Variants in NXN observed in about 807,000 individuals in gnomAD.
NXN encodes nucleoredoxin 1.
Under a neutral mutation model 48.6 loss-of-function variants are expected in NXN, and 16 were observed. The ratio of observed to expected loss-of-function variants is 0.33; its 90% CI spans 0.22 to 0.50. The LOEUF (loss-of-function observed/expected upper bound fraction) is 0.50, where lower values mean the gene tolerates loss of function less well. NXN is among the 20% of genes least tolerant of loss of function. The probability of loss-of-function intolerance (pLI) is 0.98; values close to 1 mark genes in which losing one functional copy is unlikely to be tolerated. For missense variants in NXN, 492 were observed against 605.5 expected, an observed-to-expected ratio of 0.81 and a Z score of 1.97; for synonymous variants, 281 against 269.6, an observed-to-expected ratio of 1.04 and a Z score of -0.41.
At chr17:818,598 A>T (rs559913875) in intron 5 of NXN, among the ~76,000 whole-genome samples, 39 of 152,138 alleles carry the variant, frequency 2.6e-4, no homozygotes, top group African/African-American at 9.2e-4. Context: ...ATTAGAATCC[A>T]CCATGGGCCG....
At chr17:886,987 G>A (rs1029837624) in intron 1 of NXN, among the ~76,000 whole-genome samples, 28 of 151,652 alleles carry the variant, frequency 1.8e-4, no homozygotes, top group African/African-American at 6.1e-4. Flanking sequence ...TCATGGCTAC[G>A]GCCTTAACCT....
At position 824,960 on chromosome 17, in the gene NXN, C is replaced by T. The variant is rs371470626; in HGVS notation, c.478+1001G>A. 3.3e-5 allele frequency among the ~76,000 whole-genome samples: 5 copies of T among 152,120 alleles called. 1 individual carries two copies. In the South Asian group the frequency reaches 6.2e-4, roughly 19 times the overall value. ...GGATCCACACGGGGACCAGGCTCTG[C>T]GGCTCAGCCCCACGATCCCAGCACT... On this transcript the variant is annotated intron_variant, in intron 2 of 7. Coordinates refer to ENST00000336868, the MANE Select transcript of NXN (RefSeq NM_022463.5).
intron 1 of NXN, among the ~76,000 whole-genome samples, chr17:914,505 A>G (rs1007167695): frequency 3.9e-5 from 6 of 152,194 alleles, no homozygotes; most frequent in African/African-American, 1.4e-4. Context: ...GAAGTATGCA[A>G]TGAGACAGTA....
intron 1 of NXN, among the ~76,000 whole-genome samples, chr17:876,529 G>A (rs996847281): frequency 3.3e-5 from 5 of 152,172 alleles, no homozygotes; most frequent in Non-Finnish European, 7.3e-5. Flanking sequence ...CCCCATCAAT[G>A]AAGAAAGCAC....
intron 1 of NXN, among the ~76,000 whole-genome samples, chr17:875,924 C>T (rs2068209115): frequency 6.6e-6 from 1 of 152,118 alleles, no homozygotes; most frequent in Non-Finnish European, 1.5e-5. Flanking sequence ...TGGCTCATGC[C>T]TGTGATCCCA....
In NXN at chr17:923,906, C is replaced by G. The variant is rs1236063826; in HGVS notation, c.360+55413G>C. On this transcript the variant is annotated intron_variant, in intron 1 of 7. Coordinates refer to ENST00000336868, the MANE Select transcript of NXN (RefSeq NM_022463.5). ...TATTCGTGAGATAGTTAAGTGGAAA[C>G]GACAAAACGACAGGTATATAGTTAA... 2.6e-5 allele frequency among the ~76,000 whole-genome samples: 4 copies of G among 151,984 alleles called. 1 individual carries two copies. In the South Asian group the frequency reaches 8.3e-4, roughly 32 times the overall value.
intron 3 of NXN, 80 bp from the exon 4 acceptor site, chr17:822,537 G>C: frequency 9.6e-7 from 1 of 1,042,964 alleles, no homozygotes; most frequent in Non-Finnish European, 1.5e-6. Flanking sequence ...GGCCGGGTTA[G>C]CAGGACTCAA....
At chr17:844,058 A>G (rs1247826201) in intron 1 of NXN, among the ~76,000 whole-genome samples, 1 of 151,852 alleles carries the variant, frequency 6.6e-6, no homozygotes, top group Non-Finnish European at 1.5e-5. Flanking sequence ...GCCCCTCCTT[A>G]GCTGGAAGGT....
At chr17:923,638 G>T (rs1400460969) in intron 1 of NXN, among the ~76,000 whole-genome samples, 1 of 152,252 alleles carries the variant, frequency 6.6e-6, no homozygotes, top group Non-Finnish European at 1.5e-5. Flanking sequence ...CCTGCAACGT[G>T]CAGGACACTG....
Position 810,140 on chromosome 17 carries a change from C to T in NXN, c.821-4893G>A, listed in dbSNP as rs1474778596. 3.7e-5 allele frequency among the ~76,000 whole-genome samples: 4 copies of T among 107,230 alleles called. 1 individual carries two copies. The highest frequency in any genetic ancestry group is 3.2e-4 in the East Asian group (1 of 3,156). The allele number at this position is 107,230 out of a possible 152,430, so 70.3% of individuals were successfully genotyped here. On this transcript the variant is annotated intron_variant, in intron 5 of 7. Transcript: ENST00000336868. ...GTCCGTGTGAGTGGCGTGCACGTTA[C>T]GAGTCTGTGACTGGCGTGCACGTTA...
rs1396638876 is a variant in NXN at position 895,641 on chromosome 17, T to C, written c.361-69563A>G. ...TCCTGGCTAACACGGTGAAACCCCG[T>C]CTCTACTTAAAATACAAAAAAAAAA... On this transcript the variant is annotated intron_variant, in intron 1 of 7. Transcript: ENST00000336868. Among the ~76,000 whole-genome samples the C allele has an allele frequency of 1.0e-4, 10 of 96,528 alleles. No individual in the cohort carries two copies. The East Asian group carries it at 1.4e-3, about 14-fold the overall frequency. 63.3% of individuals were successfully genotyped at this position (96,528 alleles called of 152,430 possible).
chr17:942,245 C>T (rs1303094462), intron 1 of NXN, among the ~76,000 whole-genome samples: 3 of 128,896 alleles, frequency 2.3e-5, no homozygotes, highest in Admixed American at 7.9e-5. Context: ...CAGCCATGAA[C>T]TCACATCACA....
At chr17:871,051 C>CG (rs1567842070) in intron 1 of NXN, among the ~76,000 whole-genome samples, 1 of 151,964 alleles carries the variant, frequency 6.6e-6, no homozygotes, top group Non-Finnish European at 1.5e-5. Context: ...TTAGTAGAGA[C>CG]GGGGTTTCAC....
chr17:967,308 C>T (rs976144615), intron 1 of NXN, among the ~76,000 whole-genome samples: 3 of 152,166 alleles, frequency 2.0e-5, no homozygotes, highest in Non-Finnish European at 2.9e-5. Context: ...TCAGAACTGC[C>T]GATGGTCCTC....
intron 1 of NXN, among the ~76,000 whole-genome samples, chr17:836,381 G>C (rs1010970702): frequency 6.6e-6 from 1 of 152,162 alleles, no homozygotes; most frequent in East Asian, 1.9e-4. Context: ...AAGCCTTCTC[G>C]GGCAAACGTC....
intron 5 of NXN, among the ~76,000 whole-genome samples, chr17:813,857 TC>T (rs1190750358): frequency 4.0e-5 from 6 of 151,826 alleles, no homozygotes; most frequent in Admixed American, 1.3e-4. Context: ...TCCCAGCTAC[TC>T]AGGAGGCTGA....
In NXN at chr17:961,399, A is replaced by AT. The variant is rs71145802; in HGVS notation, c.360+17919_360+17920insA. Among the ~76,000 whole-genome samples the AT allele has an allele frequency of 2.9e-3, 447 of 151,964 alleles. 2 individuals carry two copies. The East Asian group carries it at 0.029, about 10-fold the overall frequency. On this transcript the variant is annotated intron_variant, in intron 1 of 7. Coordinates refer to ENST00000336868, the MANE Select transcript of NXN (RefSeq NM_022463.5). ...GACTCCGTCTCAAGAAAAAAAAAAAAGAAAAAGAAATAGCTGTTCAACAAG... is the reference window on the plus strand; with the variant it reads ...GACTCCGTCTCAAGAAAAAAAAAAAATGAAAAAGAAATAGCTGTTCAACAAG...
chr17:912,481 C>T lies in NXN; in HGVS notation c.360+66838G>A, dbSNP rs1291223763. Among the ~76,000 whole-genome samples, 4 of 152,222 alleles carry T rather than the reference C, an allele frequency of 2.6e-5. No individual in the cohort carries two copies. The East Asian group carries it at 7.7e-4, about 29-fold the overall frequency. On this transcript the variant is annotated intron_variant, in intron 1 of 7. Transcript: ENST00000336868. The stretch of plus-strand genomic sequence containing the variant: ...GGGAGAGACCCCGTCTACATCCTTG[C>T]CAACACTGTATGTTATCAAATGTTC...
intron 1 of NXN, among the ~76,000 whole-genome samples, chr17:848,658 A>C (rs763529842): frequency 1.7e-4 from 26 of 152,178 alleles, no homozygotes; most frequent in Non-Finnish European, 3.4e-4. Flanking sequence ...CAAACAGCGA[A>C]CTCAAAGGGG....
Sources: gnomAD v4.1 joint callset for allele counts (sites outside exome capture counted in the v4.1 genomes callset) on GRCh38, gnomAD v4.1.1 for gene constraint, MANE v1.5 for transcripts, NCBI Gene and HGNC (gene_info 2026-07-23, HGNC 2026-07-21) for gene names.